Variants in EPC2 observed in about 807,000 individuals in gnomAD.
The protein encoded by EPC2 is enhancer of polycomb homolog 2.
In EPC2, 14 loss-of-function variants were observed where a neutral mutation model predicts 92.1. That is an observed-to-expected ratio of 0.15 (90% confidence interval 0.10 to 0.24). The LOEUF is 0.24. Among genes scored for constraint, EPC2 ranks in the 10% least tolerant of loss-of-function variants. The pLI is 1.00. For missense variants in EPC2, 755 were observed against 971.5 expected, an observed-to-expected ratio of 0.78 and a Z score of 2.96; for synonymous variants, 340 against 334.7, an observed-to-expected ratio of 1.02 and a Z score of -0.17.
intron 2 of EPC2, among the ~76,000 whole-genome samples, chr2:148,710,981 T>A (rs1487004973): frequency 2.6e-5 from 4 of 152,116 alleles, no homozygotes; most frequent in Non-Finnish European, 2.9e-5. Flanking sequence ...TTTCATTCAG[T>A]CTCTCTTTTT....
chr2:148,648,275 T>C (rs144169934), intron 1 of EPC2, among the ~76,000 whole-genome samples: 1,786 of 152,340 alleles, frequency 0.012, 36 homozygotes, highest in African/African-American at 0.041. Context: ...GTCAGAAGAC[T>C]TGTGTTTTCA....
intron 3 of EPC2, among the ~76,000 whole-genome samples, chr2:148,744,999 C>A (rs1461470629): frequency 7.7e-6 from 1 of 129,282 alleles, no homozygotes; most frequent in Admixed American, 7.7e-5. Context: ...GCCCCCCCCC[C>A]CCGCACCATT....
chr2:148,679,768 C>G (rs115753229), intron 1 of EPC2, among the ~76,000 whole-genome samples: 3,694 of 152,244 alleles, frequency 0.024, 68 homozygotes, highest in Middle Eastern at 0.041. Context: ...GACTCAGCCT[C>G]CAAAATAACT....
chr2:148,665,818 C>T (rs115956311), intron 1 of EPC2, among the ~76,000 whole-genome samples: 3,834 of 152,194 alleles, frequency 0.025, 57 homozygotes, highest in East Asian at 0.032. Context: ...AATTTAATAA[C>T]AGCTGTTTTT....
intron 1 of EPC2, among the ~76,000 whole-genome samples, chr2:148,674,502 T>G (rs1315416374): frequency 6.6e-6 from 1 of 152,228 alleles, no homozygotes; most frequent in East Asian, 1.9e-4. Context: ...CAAGTTGTGC[T>G]GTTTTCTACC....
At chr2:148,688,418 G>T (rs975265844) in intron 1 of EPC2, among the ~76,000 whole-genome samples, 2 of 152,044 alleles carry the variant, frequency 1.3e-5, no homozygotes, top group Non-Finnish European at 2.9e-5. Flanking sequence ...GTTGTGGGAT[G>T]GGGGGAGGGG....
intron 1 of EPC2, among the ~76,000 whole-genome samples, chr2:148,688,305 C>G (rs1439086772): frequency 2.6e-5 from 4 of 151,808 alleles, no homozygotes; most frequent in African/African-American, 9.7e-5. Context: ...CAAACTATTG[C>G]AAGGGCAAAA....
chr2:148,737,518 T>C (rs772916162), intron 2 of EPC2, among the ~76,000 whole-genome samples: 1 of 152,144 alleles, frequency 6.6e-6, no homozygotes, highest in Non-Finnish European at 1.5e-5. Context: ...ATTTGTAGAC[T>C]TCCACTACTC....
intron 10 of EPC2, 63 bp from the exon 11 acceptor site, chr2:148,781,581 C>T: frequency 6.9e-7 from 1 of 1,453,918 alleles, no homozygotes; most frequent in Non-Finnish European, 9.4e-7. Flanking sequence ...ATATCATATT[C>T]TGCTTGTGTT....
In EPC2 at chr2:148,702,979, C is replaced by A. The variant is rs191230205; in HGVS notation, c.313+12606C>A. ...AGTCCTTTGACTGCTTGAAGTCTTC[C>A]CACTGTATCATACTTCCTGATATTA... On this transcript the variant is annotated intron_variant, in intron 2 of 13. Coordinates refer to ENST00000258484, the MANE Select transcript of EPC2 (RefSeq NM_015630.4). 2.3e-3 allele frequency among the ~76,000 whole-genome samples: 351 copies of A among 152,222 alleles called. 2 individuals carry two copies. Among genetic ancestry groups the A allele is most frequent in the African/African-American group, 7.4e-3 (308 of 41,522 alleles).
chr2:148,743,521 C>A, intron 2 of EPC2, 101 bp from the exon 3 acceptor site: 1 of 864,594 alleles, frequency 1.2e-6, no homozygotes, highest in Non-Finnish European at 1.7e-6. Context: ...CCCCTTTAGT[C>A]AGTGCACTGT....
intron 1 of EPC2, among the ~76,000 whole-genome samples, chr2:148,672,723 A>G (rs72862678): frequency 4.3e-4 from 65 of 152,244 alleles, no homozygotes; most frequent in Non-Finnish European, 8.5e-4. Flanking sequence ...AAATTAAAAT[A>G]ATTTGCATAC....
At chr2:148,768,746 T>C (rs1234116196) in intron 7 of EPC2, among the ~76,000 whole-genome samples, 1 of 152,210 alleles carries the variant, frequency 6.6e-6, no homozygotes, top group Non-Finnish European at 1.5e-5. Context: ...AGCTTTTGGC[T>C]TTATTACAGA....
At chr2:148,711,107 T>C (rs1462977361) in intron 2 of EPC2, among the ~76,000 whole-genome samples, 1 of 151,996 alleles carries the variant, frequency 6.6e-6, no homozygotes, top group Non-Finnish European at 1.5e-5. Context: ...TTTCTCCTCT[T>C]TTTTTTTCTT....
chr2:148,668,715 G>C (rs1681098771), intron 1 of EPC2, among the ~76,000 whole-genome samples: 2 of 152,158 alleles, frequency 1.3e-5, no homozygotes, highest in Admixed American at 1.3e-4. Context: ...ATGAAGTTCA[G>C]ATATTCTCTG....
At chr2:148,682,927 GTC>G (rs1164497925) in intron 1 of EPC2, among the ~76,000 whole-genome samples, 2 of 151,988 alleles carry the variant, frequency 1.3e-5, no homozygotes, top group Non-Finnish European at 2.9e-5. Flanking sequence ...TATTTAATGT[GTC>G]TCTTTTGGCA....
At chr2:148,758,981 T>TCTTA in intron 4 of EPC2, among the ~76,000 whole-genome samples, 1 of 152,168 alleles carries the variant, frequency 6.6e-6, no homozygotes, top group Admixed American at 6.5e-5. Context: ...CACTGAAAGA[T>TCTTA]ACAGAAAACA....
chr2:148,705,028 C>T (rs905444337), intron 2 of EPC2, among the ~76,000 whole-genome samples: 1 of 151,700 alleles, frequency 6.6e-6, no homozygotes, highest in Non-Finnish European at 1.5e-5. Flanking sequence ...TTATTCCTCA[C>T]ACTTTTTGTG....
At chr2:148,700,157 T>G (rs1364845183) in intron 2 of EPC2, among the ~76,000 whole-genome samples, 1 of 152,210 alleles carries the variant, frequency 6.6e-6, no homozygotes. Flanking sequence ...GCATATCTTC[T>G]TCCTCTCTGT....
Sources: allele counts gnomAD v4.1 joint callset (sites outside exome capture counted in the v4.1 genomes callset), GRCh38; gene constraint gnomAD v4.1.1; transcripts MANE v1.5; gene names NCBI Gene and HGNC (gene_info 2026-07-23, HGNC 2026-07-21).